The following PCSK2 variants were observed in gnomAD, a reference collection of about 807,000 sequenced individuals.
The protein encoded by PCSK2 is neuroendocrine convertase 2.
Under a neutral mutation model 69.7 loss-of-function variants are expected in PCSK2, and 14 were observed. The observed-to-expected ratio is 0.20, with a 90% CI of 0.13 to 0.31. PCSK2 has a LOEUF of 0.31. Among genes scored for constraint, PCSK2 ranks in the 10% least tolerant of loss-of-function variants. PCSK2 has a pLI of 1.00. For missense variants in PCSK2, 544 were observed against 842.5 expected, an observed-to-expected ratio of 0.65 and a Z score of 4.39; for synonymous variants, 307 against 320.7, an observed-to-expected ratio of 0.96 and a Z score of 0.46.
intron 6 of PCSK2, among the ~76,000 whole-genome samples, chr20:17,417,953 C>CA (rs1244228427): frequency 1.3e-5 from 2 of 152,044 alleles, no homozygotes; most frequent in African/African-American, 2.4e-5. Context: ...TAGCATACGG[C>CA]ATAAAAAGAG....
chr20:17,303,978 A>T (rs1350040980), intron 2 of PCSK2, among the ~76,000 whole-genome samples: 2 of 149,544 alleles, frequency 1.3e-5, no homozygotes, highest in Admixed American at 6.7e-5. Flanking sequence ...ATAAATATAT[A>T]TTATAACCAT....
At chr20:17,476,473 T>TTA (rs2033291917) in intron 11 of PCSK2, among the ~76,000 whole-genome samples, 1 of 152,208 alleles carries the variant, frequency 6.6e-6, no homozygotes, top group South Asian at 2.1e-4. Flanking sequence ...ATACTAGAGA[T>TTA]TATATATATA....
chr20:17,331,873 G>A (rs1385593573), intron 2 of PCSK2, among the ~76,000 whole-genome samples: 9 of 152,006 alleles, frequency 5.9e-5, no homozygotes, highest in Non-Finnish European at 8.8e-5. Context: ...CAAACCTGTA[G>A]GCTAGGACCC....
At chr20:17,366,316 T>C (rs2030589813) in intron 4 of PCSK2, among the ~76,000 whole-genome samples, 1 of 152,228 alleles carries the variant, frequency 6.6e-6, no homozygotes, top group African/African-American at 2.4e-5. Context: ...GATAGGATAC[T>C]AATGATTTAT....
intron 5 of PCSK2, among the ~76,000 whole-genome samples, chr20:17,379,587 A>C (rs1382203578): frequency 3.3e-5 from 5 of 152,202 alleles, no homozygotes; most frequent in South Asian, 2.1e-4. Context: ...TTTTCCTTGA[A>C]GACAAAGACT....
At chr20:17,425,958 G>T (rs1486765596) in intron 6 of PCSK2, among the ~76,000 whole-genome samples, 1 of 152,172 alleles carries the variant, frequency 6.6e-6, no homozygotes, top group Admixed American at 6.5e-5. Flanking sequence ...CCTTACTGCA[G>T]CCTGGGGAGA....
At chr20:17,311,491 G>C (rs1989509861) in intron 2 of PCSK2, among the ~76,000 whole-genome samples, 1 of 152,066 alleles carries the variant, frequency 6.6e-6, no homozygotes, top group Admixed American at 6.6e-5. Flanking sequence ...GGTCTTCCAA[G>C]GTGACCCAGC....
In PCSK2 at chr20:17,287,305, G is replaced by A. The variant is rs924669312; in HGVS notation, c.282+26961G>A. 3.3e-5 allele frequency among the ~76,000 whole-genome samples: 5 copies of A among 152,168 alleles called. No homozygotes were observed. The East Asian group carries it at 5.8e-4, about 18-fold the overall frequency. On this transcript the variant is annotated intron_variant, in intron 2 of 11. Transcript: ENST00000262545. ...ACAATAGACATCGAAGGCTACTGGC[G>A]GGGACTGAGAGAAAGTGGGGAGTCT...
chr20:17,470,746 G>A (rs1047302704), intron 11 of PCSK2, among the ~76,000 whole-genome samples: 4 of 152,168 alleles, frequency 2.6e-5, no homozygotes, highest in African/African-American at 9.7e-5. Context: ...TAACTCCAAT[G>A]TCCTTATCCA....
At chr20:17,391,466 G>A (rs2031370933) in intron 5 of PCSK2, among the ~76,000 whole-genome samples, 1 of 152,190 alleles carries the variant, frequency 6.6e-6, no homozygotes, top group Non-Finnish European at 1.5e-5. Flanking sequence ...CTGGTTAATA[G>A]ATGTAGGGAT....
chr20:17,262,306 A>G (rs1164125937), intron 2 of PCSK2, among the ~76,000 whole-genome samples: 3 of 152,212 alleles, frequency 2.0e-5, no homozygotes, highest in Non-Finnish European at 4.4e-5. Context: ...TGCCTTGCCC[A>G]TGAAGACCAA....
Position 17,481,780 on chromosome 20 carries a change from G to C in PCSK2, c.1627G>C (p.Asp543His). 6.2e-7 allele frequency: 1 copy of C among 1,614,184 alleles called. No homozygotes were observed. Among genetic ancestry groups the C allele is most frequent in the South Asian group, 1.1e-5 (1 of 91,082 alleles). ...TTTGCTGAGCCGGCGTCCAAGGGAT[G>C]ACGACTCCAAGGTGGGCTTTGACAA... Reference protein sequence around the residue: ...SILLSRRPRDDDSKVGFDKWP... With the variant: ...SILLSRRPRDHDSKVGFDKWP... The change falls in exon 12 of 12, where the codon GAC becomes CAC. Residue 543 changes from aspartate to histidine, a missense_variant. Physicochemically the swap from Asp to His is moderately conservative, Grantham distance 81 (BLOSUM62 -1). This residue lies in a region of PCSK2 where 200 missense variants were observed against 287.8 expected (regional missense o/e 0.69). Coordinates refer to ENST00000262545, the MANE Select transcript of PCSK2 (RefSeq NM_002594.5).
chr20:17,230,638 A>C (rs1181809654), intron 1 of PCSK2, among the ~76,000 whole-genome samples: 1 of 152,182 alleles, frequency 6.6e-6, no homozygotes, highest in South Asian at 2.1e-4. Context: ...TAACACATGA[A>C]CATGTCATTA....
chr20:17,313,117 A>T (rs969611046), intron 2 of PCSK2, among the ~76,000 whole-genome samples: 7 of 152,240 alleles, frequency 4.6e-5, no homozygotes, highest in African/African-American at 1.7e-4. Context: ...TATTTCACTT[A>T]ACCCAACATA....
chr20:17,316,278 G>C (rs1423572779), intron 2 of PCSK2, among the ~76,000 whole-genome samples: 1 of 152,266 alleles, frequency 6.6e-6, no homozygotes, highest in South Asian at 2.1e-4. Flanking sequence ...ACTGACCCAG[G>C]GTTGGCTGAT....
chr20:17,449,550 G>C (rs544630551), intron 8 of PCSK2, among the ~76,000 whole-genome samples: 37 of 59,576 alleles, frequency 6.2e-4, no homozygotes, highest in African/African-American at 1.9e-3. Flanking sequence ...GTATATTTGA[G>C]ACTGAGTTTT....
At chr20:17,307,000 G>C (rs1273039422) in intron 2 of PCSK2, among the ~76,000 whole-genome samples, 1 of 152,144 alleles carries the variant, frequency 6.6e-6, no homozygotes, top group Non-Finnish European at 1.5e-5. Context: ...TCTACTAAAG[G>C]TGGAATGATA....
chr20:17,408,728 G>A (rs1253554686), intron 5 of PCSK2, among the ~76,000 whole-genome samples: 2 of 152,192 alleles, frequency 1.3e-5, no homozygotes, highest in African/African-American at 2.4e-5. Context: ...AATAAATAAG[G>A]TCAATTGTGG....
intron 2 of PCSK2, among the ~76,000 whole-genome samples, chr20:17,345,443 C>A (rs749621153): frequency 1.3e-5 from 2 of 152,166 alleles, no homozygotes; most frequent in Non-Finnish European, 2.9e-5. Context: ...CTGTAAAGGG[C>A]CAGAGAGCAA....
Sources: gnomAD v4.1 joint callset for allele counts (sites outside exome capture counted in the v4.1 genomes callset) on GRCh38, gnomAD v4.1.1 for gene constraint, gnomAD v4.1.1 regional missense constraint, MANE v1.5 for transcripts, NCBI Gene and HGNC (gene_info 2026-07-23, HGNC 2026-07-21) for gene names.